Variants in FAIM2 observed in about 807,000 individuals in gnomAD.
FAIM2 encodes the protein Fas apoptotic inhibitory molecule 2.
A neutral mutation model predicts 47.4 loss-of-function variants in FAIM2; 27 were observed. The ratio of observed to expected loss-of-function variants is 0.57; its 90% CI spans 0.42 to 0.78. FAIM2 has a LOEUF of 0.78. Among genes scored for constraint, FAIM2 ranks in the 30% least tolerant of loss-of-function variants. FAIM2 has a pLI of 0.00. For missense variants in FAIM2, 311 were observed against 389.4 expected (o/e 0.80, Z 1.69); for synonymous variants, 156 against 159.3 (o/e 0.98, Z 0.16).
intron 2 of FAIM2, 98 bp from the exon 3 acceptor site, chr12:49,898,188 G>A: frequency 1.7e-6 from 1 of 605,164 alleles, no homozygotes. Context: ...TTGTCAACCT[G>A]GCTCTCTGGA....
chr12:49,880,731 T>TGC, intron 11 of FAIM2, among the ~76,000 whole-genome samples: 1 of 151,966 alleles, frequency 6.6e-6, no homozygotes, highest in African/African-American at 2.4e-5. Flanking sequence ...TATATGTGTG[T>TGC]GTGTATGTGT....
At chr12:49,900,231 T>C (rs1353501414) in intron 2 of FAIM2, 1 of 1,285,974 alleles carries the variant, frequency 7.8e-7, no homozygotes, top group Non-Finnish European at 1.0e-6. Context: ...TAGTGGGAGG[T>C]GTAGACCATG....
At chr12:49,885,399 C>T (rs1343406780) in intron 11 of FAIM2, among the ~76,000 whole-genome samples, 2 of 152,218 alleles carry the variant, frequency 1.3e-5, no homozygotes, top group Admixed American at 6.5e-5. Flanking sequence ...CTAGGGCCTC[C>T]AGGCGCTGTT....
At chr12:49,880,777 T>C (rs893276263) in intron 11 of FAIM2, among the ~76,000 whole-genome samples, 37 of 151,980 alleles carry the variant, frequency 2.4e-4, no homozygotes, top group African/African-American at 8.7e-4. Flanking sequence ...TGTGTGTATA[T>C]GAGTGTGTAT....
intron 1 of FAIM2, among the ~76,000 whole-genome samples, chr12:49,902,631 C>T (rs1377409845): frequency 6.6e-6 from 1 of 151,964 alleles, no homozygotes; most frequent in East Asian, 1.9e-4. Flanking sequence ...GAAGGAGACT[C>T]AGCAGAAGGG....
chr12:49,870,726 T>C, intron 11 of FAIM2, 73 bp from the exon 12 acceptor site: 1 of 1,504,134 alleles, frequency 6.6e-7, no homozygotes. Flanking sequence ...GCAGCCCAGG[T>C]GTCCCCCTCA....
Position 49,889,191 on chromosome 12 carries a change from G to C in FAIM2, c.663C>G (p.Thr221=), listed in dbSNP as rs200316208. 1.9e-6 allele frequency: 3 copies of C among 1,610,600 alleles called. No homozygotes were observed. The highest frequency in any genetic ancestry group is 2.5e-6 in the Non-Finnish European group (3 of 1,178,534). Residue 221 remains threonine (T), a synonymous_variant, in exon 10 of 12, where the codon ACC becomes ACG. Transcript: ENST00000320634. ...GCACGAAGAGCACGCCCTGGCAGGA[G>C]GTGAAGTCGAACTGTGGGGACAGGA... is the stretch of plus-strand genomic sequence containing the variant. ...VFSFQTKFDF[T]SCQGVLFVLL... is the part of the protein sequence containing the mutation.
chr12:49,900,223 G>C lies in FAIM2; in HGVS notation c.211+907C>G, dbSNP rs767540742. The C allele has an allele frequency of 2.5e-5, 32 of 1,287,470 alleles. No individual in the cohort carries two copies. The South Asian group carries it at 4.0e-4, about 16-fold the overall frequency. 79.8% of individuals were successfully genotyped at this position (1,287,470 alleles called of 1,614,324 possible). Reference sequence around the variant, plus strand: ...GGGGTCTGCGCCCAGGGGATTTGTAGTGGGAGGTGTAGACCATGGTGGCTA... The same window carrying C: ...GGGGTCTGCGCCCAGGGGATTTGTACTGGGAGGTGTAGACCATGGTGGCTA... On this transcript the variant is annotated intron_variant, in intron 2 of 11. Transcript: ENST00000320634.
chr12:49,878,792 G>GTGTATATGTGCGTC lies in FAIM2; in HGVS notation c.802-8140_802-8139insGACGCACATATACA, dbSNP rs1946769333. 4.2e-5 allele frequency among the ~76,000 whole-genome samples: 2 copies of GTGTATATGTGCGTC among 47,592 alleles called. 1 individual carries two copies. The highest frequency in any genetic ancestry group is 7.4e-5 in the Non-Finnish European group (2 of 27,204). 31.2% of individuals were successfully genotyped at this position (47,592 alleles called of 152,430 possible). Reference sequence around the variant, plus strand: ...TGTGTGCATGAGTGTATGTGTGCCTGTGTGTATATGTGTGCATGTGAATGT... The same window carrying GTGTATATGTGCGTC: ...TGTGTGCATGAGTGTATGTGTGCCTGTGTATATGTGCGTCTGTGTATATGTGTGCATGTGAATGT... On this transcript the variant is annotated intron_variant, in intron 11 of 11. Transcript: ENST00000320634.
chr12:49,902,046 C>T (rs1592796588), intron 1 of FAIM2: 1 of 152,260 alleles, frequency 6.6e-6, no homozygotes, highest in South Asian at 2.1e-4. Context: ...CACAGAGTGA[C>T]CCAGTGGAAG....
chr12:49,880,890 G>GTC (rs1326795331), intron 11 of FAIM2, among the ~76,000 whole-genome samples: 18 of 151,966 alleles, frequency 1.2e-4, no homozygotes, highest in Non-Finnish European at 2.2e-4. Context: ...GAGTGTGTGT[G>GTC]TGTGTGTGTG....
chr12:49,876,559 C>T (rs1376805851), intron 11 of FAIM2, among the ~76,000 whole-genome samples: 2 of 151,344 alleles, frequency 1.3e-5, no homozygotes, highest in African/African-American at 2.4e-5. Flanking sequence ...GTCAGGAGAT[C>T]GAGACCATCC....
At chr12:49,880,574 G>C (rs1167573268) in intron 11 of FAIM2, among the ~76,000 whole-genome samples, 1 of 132,106 alleles carries the variant, frequency 7.6e-6, no homozygotes, top group Non-Finnish European at 1.6e-5. Flanking sequence ...GTGTGTATCT[G>C]TGCATGTGTA....
Position 49,903,845 on chromosome 12 carries a change from A to G in FAIM2, c.-53T>C. The G allele has an allele frequency of 6.7e-7, 1 of 1,500,602 alleles. No homozygotes were observed. Among genetic ancestry groups the G allele is most frequent in the South Asian group, 1.3e-5 (1 of 76,614 alleles). The allele number at this position is 1,500,602 out of a possible 1,614,324, so 93.0% of individuals were successfully genotyped here. A position where few individuals can be genotyped will look rare whatever the true frequency, so the allele number is the denominator to read the frequency against. On this transcript the variant is annotated 5_prime_UTR_variant, in exon 1 of 12. Coordinates refer to ENST00000320634, the MANE Select transcript of FAIM2 (RefSeq NM_012306.4). The stretch of plus-strand genomic sequence containing the variant: ...TGAGGCCCGGGTGGCCGCTTGGGTA[A>G]CCGCAGCCTGCCTGCGTCTCTTCCT...
chr12:49,889,453 G>A lies in FAIM2; in HGVS notation c.651+28C>T, dbSNP rs758363486. 6 of 1,599,180 alleles carry A rather than the reference G, an allele frequency of 3.8e-6. No homozygotes were observed. The South Asian group carries it at 6.6e-5, about 18-fold the overall frequency. On this transcript the variant is annotated intron_variant, in intron 9 of 11. Transcript: ENST00000320634. Reference sequence around the variant, plus strand: ...TCCCCTGCTCAGCCTCAGGCCAGGGGTCCCTGCCTGCAGGCCCCAGAGCTG... The same window carrying A: ...TCCCCTGCTCAGCCTCAGGCCAGGGATCCCTGCCTGCAGGCCCCAGAGCTG...
intron 2 of FAIM2, among the ~76,000 whole-genome samples, chr12:49,898,452 A>T (rs1946956550): frequency 6.9e-6 from 1 of 145,710 alleles, no homozygotes; most frequent in Non-Finnish European, 1.5e-5. Context: ...GTCAAGGATC[A>T]CAGAGGGCCA....
At chr12:49,902,190 AC>A (rs1946986270) in intron 1 of FAIM2, 1 of 151,906 alleles carries the variant, frequency 6.6e-6, no homozygotes, top group African/African-American at 2.4e-5. Flanking sequence ...CCTGCCCCCC[AC>A]CCGTGGACAT....
intron 11 of FAIM2, among the ~76,000 whole-genome samples, chr12:49,881,111 A>G (rs1461070351): frequency 6.6e-6 from 1 of 152,102 alleles, no homozygotes; most frequent in East Asian, 1.9e-4. Context: ...TTCCTATCCC[A>G]GCTCTGCTCA....
chr12:49,879,002 ATGTGCATG>A (rs1413893143), intron 11 of FAIM2, among the ~76,000 whole-genome samples: 3 of 126,056 alleles, frequency 2.4e-5, no homozygotes, highest in Non-Finnish European at 4.9e-5. Flanking sequence ...GTATCTGTGT[ATGTGCATG>A]TGTGTATGTG....
Sources: gnomAD v4.1 joint callset for allele counts (sites outside exome capture counted in the v4.1 genomes callset) on GRCh38, gnomAD v4.1.1 for gene constraint, MANE v1.5 for transcripts, NCBI Gene and HGNC (gene_info 2026-07-23, HGNC 2026-07-21) for gene names.